The following RUNDC3B variants were observed in gnomAD, a reference collection of about 807,000 sequenced individuals.
RUNDC3B encodes RUN domain-containing protein 3B.
RUNDC3B carries 33 observed loss-of-function variants against 58.4 expected under a neutral mutation model. The observed-to-expected ratio is 0.56, with a 90% CI of 0.43 to 0.75. The LOEUF (loss-of-function observed/expected upper bound fraction) is 0.75. RUNDC3B is among the 30% of genes least tolerant of loss of function. The pLI, the probability that RUNDC3B is intolerant of heterozygous loss-of-function variation, is 0.00. For synonymous variants in RUNDC3B, 193 were observed against 195.2 expected, an observed-to-expected ratio of 0.99 and a Z score of 0.10; for missense variants, 501 against 535.7, an observed-to-expected ratio of 0.94 and a Z score of 0.64.
chr7:87,633,313 T>C (rs1380674229), intron 1 of RUNDC3B, among the ~76,000 whole-genome samples: 5 of 152,196 alleles, frequency 3.3e-5, no homozygotes, highest in Non-Finnish European at 7.3e-5. Context: ...TGGATTGCTT[T>C]AAAAAATGAT....
intron 2 of RUNDC3B, among the ~76,000 whole-genome samples, chr7:87,685,622 A>G (rs1827381357): frequency 6.6e-6 from 1 of 152,226 alleles, no homozygotes. Flanking sequence ...ACATTCTAGG[A>G]AAGACCAAAC....
At chr7:87,629,462 C>G (rs1440623187) in intron 1 of RUNDC3B, among the ~76,000 whole-genome samples, 1 of 152,140 alleles carries the variant, frequency 6.6e-6, no homozygotes, top group East Asian at 1.9e-4. Context: ...TGTGTACTAT[C>G]CACTTTTCAG....
chr7:87,799,539 A>G (rs1218402152), intron 8 of RUNDC3B, among the ~76,000 whole-genome samples: 1 of 152,160 alleles, frequency 6.6e-6, no homozygotes, highest in African/African-American at 2.4e-5. Flanking sequence ...GTGCCGTGTC[A>G]CAAATAGTAC....
chr7:87,720,135 G>A (rs1225809369), intron 4 of RUNDC3B, among the ~76,000 whole-genome samples: 3 of 151,870 alleles, frequency 2.0e-5, no homozygotes, highest in Non-Finnish European at 2.9e-5. Context: ...CAAATTGGGA[G>A]GAAAAGACTA....
chr7:87,753,188 G>A (rs1471815004), intron 6 of RUNDC3B, among the ~76,000 whole-genome samples: 1 of 150,504 alleles, frequency 6.6e-6, no homozygotes, highest in Admixed American at 6.7e-5. Flanking sequence ...GCGGTTTTGA[G>A]TGAGATTCTT....
intron 2 of RUNDC3B, among the ~76,000 whole-genome samples, chr7:87,699,554 C>T (rs1397096082): frequency 3.3e-5 from 5 of 152,130 alleles, no homozygotes; most frequent in Non-Finnish European, 7.4e-5. Flanking sequence ...TATGGGCATA[C>T]ACCACCATGC....
chr7:87,763,972 A>G (rs1457047307), intron 6 of RUNDC3B, among the ~76,000 whole-genome samples: 3 of 151,804 alleles, frequency 2.0e-5, no homozygotes, highest in Non-Finnish European at 3.0e-5. Flanking sequence ...CTTTGTGTTT[A>G]TGATATTTTT....
At chr7:87,677,043 A>G (rs1330808262) in intron 2 of RUNDC3B, among the ~76,000 whole-genome samples, 1 of 152,178 alleles carries the variant, frequency 6.6e-6, no homozygotes, top group African/African-American at 2.4e-5. Context: ...GTAGATTAGG[A>G]CAGCCATTAT....
chr7:87,825,489 A>G (rs1837753799), intron 10 of RUNDC3B, among the ~76,000 whole-genome samples: 1 of 152,164 alleles, frequency 6.6e-6, no homozygotes, highest in Admixed American at 6.5e-5. Flanking sequence ...TGGGGCCCTC[A>G]TGAAGAACTT....
chr7:87,746,846 ATTGTGCTCT>A (rs1832670756), intron 6 of RUNDC3B, among the ~76,000 whole-genome samples: 1 of 152,166 alleles, frequency 6.6e-6, no homozygotes, highest in South Asian at 2.1e-4. Flanking sequence ...CCTTGCATTC[ATTGTGCTCT>A]TTGTTGCCTG....
At chr7:87,748,800 A>G (rs989163023) in intron 6 of RUNDC3B, among the ~76,000 whole-genome samples, 1 of 152,136 alleles carries the variant, frequency 6.6e-6, no homozygotes, top group African/African-American at 2.4e-5. Context: ...GAGGGAAGGT[A>G]TTTTGGATGG....
intron 4 of RUNDC3B, among the ~76,000 whole-genome samples, chr7:87,726,969 A>C (rs932565524): frequency 1.3e-5 from 2 of 152,182 alleles, no homozygotes; most frequent in Admixed American, 6.6e-5. Context: ...GTTGCTTATC[A>C]GCTTAAGGAG....
chr7:87,780,524 G>C (rs1378635593), intron 8 of RUNDC3B, among the ~76,000 whole-genome samples: 1 of 152,068 alleles, frequency 6.6e-6, no homozygotes, highest in East Asian at 1.9e-4. Flanking sequence ...TGCATAGTTT[G>C]TGAGTGTTTT....
intron 10 of RUNDC3B, among the ~76,000 whole-genome samples, chr7:87,819,160 C>A (rs570910209): frequency 2.6e-5 from 4 of 152,242 alleles, no homozygotes; most frequent in African/African-American, 9.6e-5. Context: ...CCCTGATCAG[C>A]TAGTCCGACT....
chr7:87,704,023 C>A (rs550731985), intron 3 of RUNDC3B, among the ~76,000 whole-genome samples: 1 of 139,974 alleles, frequency 7.1e-6, no homozygotes, highest in African/African-American at 2.6e-5. Context: ...CAGGCTCAAG[C>A]AATTCTCCTG....
intron 8 of RUNDC3B, among the ~76,000 whole-genome samples, chr7:87,792,299 A>G (rs187880267): frequency 3.9e-5 from 6 of 152,240 alleles, no homozygotes; most frequent in Non-Finnish European, 8.8e-5. Flanking sequence ...AGCATTGGAC[A>G]GATCTTTCAG....
At position 87,663,667 on chromosome 7, in the gene RUNDC3B, A is replaced by G. The variant is rs185467772; in HGVS notation, c.238+12730A>G. Among the ~76,000 whole-genome samples, 10 of 152,310 alleles carry G rather than the reference A, an allele frequency of 6.6e-5. No individual in the cohort carries two copies. The East Asian group carries it at 1.4e-3, about 21-fold the overall frequency. ...GAACTTAGGATGTTAGACAAGGTAG[A>G]GTAAGTCCAATAATAACCTAATTCT... On this transcript the variant is annotated intron_variant, in intron 2 of 10. Transcript: ENST00000394654.
rs1245480899 is a variant in RUNDC3B at position 87,628,792 on chromosome 7, C to A, written c.-32C>A. 2 of 1,201,572 alleles carry A rather than the reference C, an allele frequency of 1.7e-6. No homozygotes were observed. The highest frequency in any genetic ancestry group is 3.1e-5 in the African/African-American group (2 of 63,582). 74.4% of individuals were successfully genotyped at this position (1,201,572 alleles called of 1,614,324 possible). On this transcript the variant is annotated 5_prime_UTR_variant, in exon 1 of 11. Coordinates refer to ENST00000394654, the MANE Select transcript of RUNDC3B (RefSeq NM_001134405.2). ...GGTGTGGGGGGCGTGCGGGGTGGCA[C>A]GAGACAAAAGGGGCACGGGGGTAAG...
intron 10 of RUNDC3B, among the ~76,000 whole-genome samples, chr7:87,825,821 T>G (rs1294797520): frequency 6.6e-6 from 1 of 152,184 alleles, no homozygotes; most frequent in East Asian, 1.9e-4. Context: ...ACCTTAAGAT[T>G]TGTCTGCCCT....
Sources: allele counts gnomAD v4.1 joint callset (sites outside exome capture counted in the v4.1 genomes callset), GRCh38; gene constraint gnomAD v4.1.1; transcripts MANE v1.5; gene names NCBI Gene and HGNC (gene_info 2026-07-23, HGNC 2026-07-21).